KAT6B: variants seen among roughly 807,000 people sequenced by gnomAD.
KAT6B encodes the protein histone acetyltransferase KAT6B.
KAT6B carries 10 observed loss-of-function variants against 187.5 expected under a neutral mutation model. That is an observed-to-expected ratio of 0.05 (90% confidence interval 0.03 to 0.09). KAT6B has a LOEUF of 0.09. Among genes scored for constraint, KAT6B ranks in the 10% least tolerant of loss-of-function variants. The pLI is 1.00. For missense variants in KAT6B, 1,952 were observed against 2,558.9 expected, an observed-to-expected ratio of 0.76 and a Z score of 5.12; for synonymous variants, 861 against 926.8, an observed-to-expected ratio of 0.93 and a Z score of 1.29.
chr10:74,945,555 T>C (rs999894571), intron 3 of KAT6B, among the ~76,000 whole-genome samples: 3 of 152,192 alleles, frequency 2.0e-5, no homozygotes, highest in African/African-American at 7.2e-5. Flanking sequence ...CTCCGCCTCC[T>C]GGGTTCGGGA....
intron 1 of KAT6B, among the ~76,000 whole-genome samples, chr10:74,828,502 C>G (rs1174075997): frequency 6.6e-6 from 1 of 150,502 alleles, no homozygotes; most frequent in Non-Finnish European, 1.5e-5. Flanking sequence ...ACTTGTATAC[C>G]CTAGATTTTT....
rs1846270592 is a variant in KAT6B, at chr10:75,030,861, A to G, written c.6037A>G (p.Met2013Val). The change falls in exon 18 of 18, where the codon ATG becomes GTG. Residue 2013 changes from methionine to valine, a missense_variant. This residue lies in a region of KAT6B where 358 missense variants were observed against 436.3 expected (regional missense o/e 0.82). Coordinates refer to ENST00000287239, the MANE Select transcript of KAT6B (RefSeq NM_012330.4). The surrounding 1 kb of genome is among the most constrained non-coding windows in gnomAD (Gnocchi z 4.8). The stretch of plus-strand genomic sequence containing the variant: ...TGGCTACCACAGCAATCATGGCTAT[A>G]TGAATCAAACGCCCCAATACCCTAT... ...NSGYHSNHGY[M>V]NQTPQYPMQM... 1 of 1,614,206 alleles carries G rather than the reference A, an allele frequency of 6.2e-7. No individual in the cohort carries two copies. Among genetic ancestry groups the G allele is most frequent in the South Asian group, 1.1e-5 (1 of 91,086 alleles).
intron 10 of KAT6B, among the ~76,000 whole-genome samples, chr10:74,981,032 C>G (rs573763507): frequency 4.6e-5 from 7 of 152,282 alleles, no homozygotes; most frequent in African/African-American, 1.7e-4. Context: ...GATATTATAT[C>G]TATACCACTA....
chr10:74,904,325 A>T (rs1301424606), intron 3 of KAT6B, among the ~76,000 whole-genome samples: 1 of 152,268 alleles, frequency 6.6e-6, no homozygotes, highest in South Asian at 2.1e-4. Flanking sequence ...GTCAGCAGGG[A>T]TGTGGTCTCA....
intron 3 of KAT6B, among the ~76,000 whole-genome samples, chr10:74,855,174 T>G (rs996722141): frequency 2.6e-5 from 4 of 152,216 alleles, no homozygotes; most frequent in African/African-American, 9.6e-5. Flanking sequence ...TTCTTCCGTC[T>G]TCTTTGATGT....
intron 3 of KAT6B, among the ~76,000 whole-genome samples, chr10:74,919,218 A>G (rs1299281132): frequency 6.6e-6 from 1 of 152,066 alleles, no homozygotes; most frequent in Non-Finnish European, 1.5e-5. Context: ...GCAAAACTCC[A>G]TATCTATCTA....
intron 7 of KAT6B, among the ~76,000 whole-genome samples, chr10:74,975,144 T>G (rs991096147): frequency 1.9e-4 from 29 of 152,210 alleles, no homozygotes; most frequent in African/African-American, 7.0e-4. Context: ...TTCAGCATTT[T>G]TCTTGCTTAT....
intron 13 of KAT6B, among the ~76,000 whole-genome samples, chr10:75,013,477 T>G (rs1314582603): frequency 6.6e-6 from 1 of 152,024 alleles, no homozygotes; most frequent in African/African-American, 2.4e-5. Flanking sequence ...ATGGAATGGT[T>G]TTTAGGTTCC....
intron 13 of KAT6B, among the ~76,000 whole-genome samples, chr10:75,010,647 C>G (rs1188728658): frequency 6.6e-6 from 1 of 152,144 alleles, no homozygotes; most frequent in Non-Finnish European, 1.5e-5. Context: ...GCTATTCCAA[C>G]CATCCTGTCT....
rs528399179 is a variant in KAT6B at position 74,969,308 on chromosome 10, A to AC, written c.731-347dup. 4.8e-3 allele frequency among the ~76,000 whole-genome samples: 733 copies of AC among 152,094 alleles called. 4 individuals are homozygous for AC. The highest frequency in any genetic ancestry group is 0.011 in the Admixed American group (163 of 15,276). On this transcript the variant is annotated intron_variant, in intron 4 of 17. Transcript: ENST00000287239. The stretch of plus-strand genomic sequence containing the variant: ...TCCCCTCAGTGTGTGGCAAACCAGG[A>AC]CCCCCTGGGTAGATGGTGGTTGATG...
In KAT6B at chr10:75,030,938, G is replaced by A; in HGVS notation, c.6114G>A (p.Met2038Ile). Residue 2038 changes from methionine (M) to isoleucine (I), a missense_variant, in exon 18 of 18, where the codon ATG (methionine) becomes ATA (isoleucine). By Grantham distance (10) the Met-to-Ile change is conservative (BLOSUM62 1). Around this residue, in one of 9 missense-constraint regions of KAT6B, gnomAD observed 358 missense variants for 436.3 expected, o/e 0.82. Coordinates refer to ENST00000287239, the MANE Select transcript of KAT6B (RefSeq NM_012330.4). The surrounding 1 kb of genome is among the most constrained non-coding windows in gnomAD (Gnocchi z 4.8). ...MGTQPYAQQP[M>I]QTPPHGNMMY... Reference sequence around the variant, plus strand: ...CCCAGCCATATGCCCAGCAGCCAATGCAGACCCCACCCCACGGTAACATGA... The same window carrying A: ...CCCAGCCATATGCCCAGCAGCCAATACAGACCCCACCCCACGGTAACATGA... 6.2e-7 allele frequency: 1 copy of A among 1,614,038 alleles called. No individual in the cohort carries two copies.
At chr10:74,863,991 A>G (rs1185001192) in intron 3 of KAT6B, among the ~76,000 whole-genome samples, 1 of 152,122 alleles carries the variant, frequency 6.6e-6, no homozygotes, top group East Asian at 1.9e-4. Context: ...CACTACTTTT[A>G]TGTAGGTAAG....
At chr10:74,826,597 A>C (rs1358288261), upstream of KAT6B, 1 of 152,846 alleles carries the variant, frequency 6.5e-6, no homozygotes, top group Non-Finnish European at 1.5e-5. Flanking sequence ...TTGGGCTGTA[A>C]TCAGTGTCAT....
At chr10:74,952,923 C>T (rs1412270522) in intron 3 of KAT6B, among the ~76,000 whole-genome samples, 3 of 140,624 alleles carry the variant, frequency 2.1e-5, no homozygotes, top group African/African-American at 7.8e-5. Context: ...TGGTCTCGAA[C>T]TCCTGACCTC....
intron 3 of KAT6B, among the ~76,000 whole-genome samples, chr10:74,880,159 C>G (rs182667252): frequency 1.2e-3 from 179 of 152,324 alleles, no homozygotes; most frequent in Non-Finnish European, 2.9e-4. Context: ...AAGTCATTCA[C>G]CACTGTCTAA....
At chr10:75,011,845 C>T (rs764580673) in intron 13 of KAT6B, among the ~76,000 whole-genome samples, 5 of 152,148 alleles carry the variant, frequency 3.3e-5, no homozygotes, top group African/African-American at 9.7e-5. Flanking sequence ...CAGTTGTTTA[C>T]GGAGTGGCCA....
Position 74,893,697 on chromosome 10 carries a change from C to T in KAT6B, c.621+50219C>T, listed in dbSNP as rs186578653. 5.5e-4 allele frequency among the ~76,000 whole-genome samples: 83 copies of T among 151,662 alleles called. No individual in the cohort carries two copies. The East Asian group carries it at 0.014, about 26-fold the overall frequency. On this transcript the variant is annotated intron_variant, in intron 3 of 17. Coordinates refer to ENST00000287239, the MANE Select transcript of KAT6B (RefSeq NM_012330.4). The stretch of plus-strand genomic sequence containing the variant: ...ATTGGCCAGGCTAGTCTTGAACTCC[C>T]GATCTCAGGTGATCTGCCCACCTCA...
intron 3 of KAT6B, among the ~76,000 whole-genome samples, chr10:74,871,373 A>C (rs1047296395): frequency 1.3e-5 from 2 of 151,200 alleles, no homozygotes; most frequent in African/African-American, 4.9e-5. Flanking sequence ...TTGTATTTTT[A>C]GTAGAGATGG....
Position 75,031,116 on chromosome 10 carries a change from A to C in KAT6B, c.*70A>C, listed in dbSNP as rs1846293760. On this transcript the variant is annotated 3_prime_UTR_variant, in exon 18 of 18. Coordinates refer to ENST00000287239, the MANE Select transcript of KAT6B (RefSeq NM_012330.4). The stretch of plus-strand genomic sequence containing the variant: ...TTGATCTGCACAAATACCTTTGAAG[A>C]GTACGATTTCAAAACCAGCAATTGG... The C allele has an allele frequency of 1.3e-6, 2 of 1,558,444 alleles. No homozygotes were observed. Among genetic ancestry groups the C allele is most frequent in the African/African-American group, 2.7e-5 (2 of 73,626 alleles).
Sources: gnomAD v4.1 joint callset for allele counts (sites outside exome capture counted in the v4.1 genomes callset) on GRCh38, gnomAD v4.1.1 for gene constraint, gnomAD v4.1.1 regional missense constraint, Gnocchi (gnomAD v3.1) non-coding constraint, MANE v1.5 for transcripts, NCBI Gene and HGNC (gene_info 2026-07-23, HGNC 2026-07-21) for gene names.